The following HTR4 variants were observed in gnomAD, a reference collection of about 807,000 sequenced individuals.
HTR4 encodes 5-hydroxytryptamine receptor 4, also known as 5-hydroxytryptamine (serotonin) receptor 4, G protein-coupled.
A neutral mutation model predicts 36.8 loss-of-function variants in HTR4; 16 were observed. The observed-to-expected ratio is 0.43, with a 90% confidence interval of 0.29 to 0.66. HTR4 has a LOEUF of 0.66. Ranked by LOEUF, HTR4 falls within the 30% of genes least tolerant of loss-of-function variation. The pLI is 0.13. For synonymous variants in HTR4, 189 were observed against 185.1 expected (o/e 1.02, Z -0.17); for missense variants, 438 against 490.9 (o/e 0.89, Z 1.02).
chr5:148,647,874 A>C (rs1753919939), intron 1 of HTR4, among the ~76,000 whole-genome samples: 1 of 152,136 alleles, frequency 6.6e-6, no homozygotes, highest in Non-Finnish European at 1.5e-5. Flanking sequence ...CAAAAGAAGA[A>C]GGTGGTTTGG....
intron 5 of HTR4, among the ~76,000 whole-genome samples, chr5:148,458,746 G>A (rs1403066280): frequency 6.6e-6 from 1 of 152,166 alleles, no homozygotes; most frequent in African/African-American, 2.4e-5. Flanking sequence ...CCTAAGATGA[G>A]GGCACAAAGT....
In HTR4 at chr5:148,643,781, TC is replaced by T. The variant is rs147525921; in HGVS notation, c.-47-6721del. Among the ~76,000 whole-genome samples, 981 of 152,316 alleles carry T rather than the reference TC, an allele frequency of 6.4e-3. 10 individuals carry two copies. Among genetic ancestry groups the T allele is most frequent in the African/African-American group, 0.022 (925 of 41,568 alleles). ...AGTTTGAGACTAACTGTGAGGTAGA[TC>T]ATTTCAATCATCAGTGCTGTTCAAT... On this transcript the variant is annotated intron_variant, in intron 1 of 6. Transcript: ENST00000377888.
downstream of HTR4, among the ~76,000 whole-genome samples, chr5:148,474,342 G>T (rs370594977): frequency 4.6e-5 from 7 of 152,032 alleles, no homozygotes; most frequent in South Asian, 2.1e-4. Flanking sequence ...GGTGTGGGGG[G>T]GCTGATCTTT....
chr5:148,583,795 G>A (rs983387174), intron 2 of HTR4, among the ~76,000 whole-genome samples: 10 of 152,190 alleles, frequency 6.6e-5, no homozygotes, highest in South Asian at 6.2e-4. Context: ...CCTGTTCCCT[G>A]GGAAGCTGCC....
chr5:148,636,347 C>A (rs1054008764), intron 2 of HTR4, among the ~76,000 whole-genome samples: 90 of 152,168 alleles, frequency 5.9e-4, no homozygotes, highest in Non-Finnish European at 6.6e-4. Flanking sequence ...GGATAATTCT[C>A]AGCCTCAAAT....
intron 5 of HTR4, among the ~76,000 whole-genome samples, chr5:148,511,197 C>T (rs936322064): frequency 3.3e-5 from 5 of 152,120 alleles, no homozygotes; most frequent in Admixed American, 6.6e-5. Flanking sequence ...AACCAAAATA[C>T]GTATAAAGTA....
At chr5:148,503,242 G>A (rs1421949679) in intron 6 of HTR4, among the ~76,000 whole-genome samples, 1 of 152,042 alleles carries the variant, frequency 6.6e-6, no homozygotes, top group Admixed American at 6.5e-5. Context: ...CAGCCAGAGA[G>A]AAAGGTCAGG....
intron 5 of HTR4, among the ~76,000 whole-genome samples, chr5:148,455,935 T>C (rs911557404): frequency 6.6e-6 from 1 of 151,996 alleles, no homozygotes; most frequent in Non-Finnish European, 1.5e-5. Flanking sequence ...AGGAGGAGGA[T>C]GAAGAGGGGG....
intron 5 of HTR4, among the ~76,000 whole-genome samples, chr5:148,457,408 G>C (rs956493611): frequency 6.6e-6 from 1 of 151,658 alleles, no homozygotes; most frequent in Non-Finnish European, 1.5e-5. Context: ...AATTACCTGA[G>C]TCTACAATTC....
intron 1 of HTR4, among the ~76,000 whole-genome samples, chr5:148,644,443 T>G (rs1298648370): frequency 2.1e-5 from 3 of 144,404 alleles, no homozygotes; most frequent in African/African-American, 2.6e-5. Context: ...TTTTTTTTTT[T>G]TTTTTTTTTT....
At chr5:148,553,342 C>T (rs1303312499) in intron 2 of HTR4, among the ~76,000 whole-genome samples, 3 of 152,134 alleles carry the variant, frequency 2.0e-5, no homozygotes, top group Non-Finnish European at 4.4e-5. Flanking sequence ...CTAACTAAGA[C>T]CAGTGGGTGA....
intron 6 of HTR4, among the ~76,000 whole-genome samples, chr5:148,504,550 T>C (rs1009422661): frequency 5.3e-5 from 8 of 152,108 alleles, no homozygotes; most frequent in African/African-American, 1.4e-4. Flanking sequence ...AGGAAAGATC[T>C]AAAATTGACA....
At chr5:148,549,174 G>A (rs1054216097) in intron 3 of HTR4, among the ~76,000 whole-genome samples, 1 of 152,050 alleles carries the variant, frequency 6.6e-6, no homozygotes, top group Non-Finnish European at 1.5e-5. Flanking sequence ...GAGTTTCCCT[G>A]CACATATAGG....
chr5:148,478,188 T>G (rs1476914285), downstream of HTR4, among the ~76,000 whole-genome samples: 1 of 152,228 alleles, frequency 6.6e-6, no homozygotes, highest in African/African-American at 2.4e-5. Context: ...TTGAGAGAAT[T>G]AAACTATAGC....
intron 2 of HTR4, among the ~76,000 whole-genome samples, chr5:148,602,911 A>T (rs539499695): frequency 2.6e-5 from 4 of 152,140 alleles, no homozygotes; most frequent in Non-Finnish European, 4.4e-5. Flanking sequence ...TTCCCAGAAA[A>T]TCATAATTTA....
intron 2 of HTR4, among the ~76,000 whole-genome samples, chr5:148,634,283 G>A (rs1398616330): frequency 6.6e-6 from 1 of 152,044 alleles, no homozygotes; most frequent in Admixed American, 6.6e-5. Context: ...TCTCACATAG[G>A]CATCCTCTCT....
chr5:148,550,678 GT>G (rs1187065907), intron 2 of HTR4, among the ~76,000 whole-genome samples: 1 of 152,178 alleles, frequency 6.6e-6, no homozygotes, highest in Non-Finnish European at 1.5e-5. Context: ...GTATAAAATG[GT>G]GAGTTGTGTT....
intron 4 of HTR4, among the ~76,000 whole-genome samples, chr5:148,547,341 A>C (rs990416569): frequency 6.6e-6 from 1 of 151,940 alleles, no homozygotes; most frequent in African/African-American, 2.4e-5. Context: ...TTGTCGGTGA[A>C]ACCCCGTCTC....
chr5:148,595,356 G>C (rs1321360359), intron 2 of HTR4, among the ~76,000 whole-genome samples: 1 of 151,968 alleles, frequency 6.6e-6, no homozygotes, highest in African/African-American at 2.4e-5. Flanking sequence ...CTAGAATGTG[G>C]TGTAGGCCCA....
Sources: gnomAD v4.1 joint callset for allele counts (sites outside exome capture counted in the v4.1 genomes callset) on GRCh38, gnomAD v4.1.1 for gene constraint, MANE v1.5 for transcripts, NCBI Gene and HGNC (gene_info 2026-07-23, HGNC 2026-07-21) for gene names.